PALM: variants seen among roughly 807,000 people sequenced by gnomAD.
PALM encodes paralemmin-1.
Under a neutral mutation model 30.7 loss-of-function variants are expected in PALM, and 18 were observed. The ratio of observed to expected loss-of-function variants is 0.59; its 90% CI spans 0.41 to 0.87. PALM has a LOEUF of 0.87. PALM is among the 40% of genes least tolerant of loss of function. The probability of loss-of-function intolerance (pLI) is 0.00; values close to 1 mark genes in which losing one functional copy is unlikely to be tolerated. For synonymous variants in PALM, 286 were observed against 242.8 expected (o/e 1.18, Z -1.66); for missense variants, 529 against 555.4 (o/e 0.95, Z 0.48).
At position 728,095 on chromosome 19, in the gene PALM, C is replaced by T. The variant is rs112970990; in HGVS notation, c.269+401C>T. On this transcript the variant is annotated intron_variant, in intron 4 of 8. Coordinates refer to ENST00000338448, the MANE Select transcript of PALM (RefSeq NM_002579.3). Reference sequence around the variant, plus strand: ...ATTGGCCTCCCTGGGGGCTTCCTGGCGCCAGCCCAGCTGGCGGGCAAGCGC... The same window carrying T: ...ATTGGCCTCCCTGGGGGCTTCCTGGTGCCAGCCCAGCTGGCGGGCAAGCGC... Among the ~76,000 whole-genome samples the T allele has an allele frequency of 0.021, 3,241 of 152,226 alleles. 229 individuals are homozygous for T. In the East Asian group the frequency reaches 0.27, roughly 13 times the overall value.
rs527488540 is a variant in PALM at position 746,065 on chromosome 19, AT to A, written c.635-212del. ...AGAGTGAGACTCCGTCTCAAAAAAA[AT>A]TTTTTTTCCTCATTGTACGGCATTG... On this transcript the variant is annotated intron_variant, in intron 8 of 8. Transcript: ENST00000338448. This position sits in a 1 kb window ranked among gnomAD's most constrained non-coding sequence, Gnocchi z 7.1. Among the ~76,000 whole-genome samples, 33 of 152,172 alleles carry A rather than the reference AT, an allele frequency of 2.2e-4. 1 individual carries two copies. In the South Asian group the frequency reaches 4.6e-3, roughly 21 times the overall value.
chr19:733,145 C>T (rs1039039210), intron 5 of PALM, among the ~76,000 whole-genome samples: 1 of 152,074 alleles, frequency 6.6e-6, no homozygotes, highest in Non-Finnish European at 1.5e-5. Context: ...AGGCTGGTCT[C>T]GAACTCCTGA....
At chr19:719,460 G>GC in intron 1 of PALM, 1 of 985,206 alleles carries the variant, frequency 1.0e-6, no homozygotes, top group Non-Finnish European at 1.2e-6. Context: ...AGGCCTGTGC[G>GC]CGCCGGGGTG....
At chr19:728,628 T>C (rs4919822) in intron 4 of PALM, among the ~76,000 whole-genome samples, 67,788 of 151,330 alleles carry the variant, frequency 0.45, 15,251 homozygotes, top group Middle Eastern at 0.51. Context: ...ACCAACATCG[T>C]GAAACCCCAT....
intron 4 of PALM, 184 bp downstream of exon 4, chr19:727,878 C>T: frequency 3.3e-6 from 2 of 612,796 alleles, no homozygotes; most frequent in South Asian, 2.1e-5. Flanking sequence ...GGGGCATCCA[C>T]CTGGGTCTGG....
intron 4 of PALM, among the ~76,000 whole-genome samples, chr19:729,800 G>A (rs1220501584): frequency 2.6e-5 from 4 of 152,178 alleles, no homozygotes; most frequent in Admixed American, 2.6e-4. Flanking sequence ...TTAAGCACCA[G>A]CTGTGTCCCT....
intron 1 of PALM, among the ~76,000 whole-genome samples, chr19:725,602 G>A (rs899920475): frequency 2.3e-4 from 35 of 152,154 alleles, no homozygotes; most frequent in African/African-American, 7.7e-4. Context: ...AGCGAGTCTG[G>A]GGTTGAATCC....
chr19:727,717 C>T, intron 4 of PALM, 23 bp downstream of exon 4: 4 of 1,530,432 alleles, frequency 2.6e-6, no homozygotes, highest in Middle Eastern at 2.0e-4. Flanking sequence ...GCGTGGGTGC[C>T]ACCGGGCTGG....
intron 8 of PALM, among the ~76,000 whole-genome samples, chr19:743,650 C>T (rs1394112750): frequency 6.6e-6 from 1 of 152,190 alleles, no homozygotes; most frequent in Non-Finnish European, 1.5e-5. Flanking sequence ...CTGGGACCCC[C>T]CTTGCGTCCC....
intron 5 of PALM, 150 bp downstream of exon 5, chr19:731,395 C>CCGGCTCACA: frequency 1.3e-6 from 1 of 746,590 alleles, no homozygotes; most frequent in Non-Finnish European, 2.1e-6. Context: ...GAGCCACTTC[C>CCGGCTCACA]CAGCTGTGTG....
chr19:720,337 T>TC (rs1364864214), intron 1 of PALM, among the ~76,000 whole-genome samples: 27 of 120,132 alleles, frequency 2.2e-4, no homozygotes, highest in African/African-American at 8.7e-4. Flanking sequence ...GGGGGGCGCA[T>TC]CCTGCGTGTC....
At chr19:732,558 C>T (rs958222765) in intron 5 of PALM, among the ~76,000 whole-genome samples, 5 of 152,072 alleles carry the variant, frequency 3.3e-5, no homozygotes, top group Admixed American at 6.6e-5. Context: ...AACCAGATGT[C>T]GTGGCCGGCA....
Position 734,633 on chromosome 19 carries a change from G to C in PALM, c.442+439G>C, listed in dbSNP as rs901244501. 3 of 184,674 alleles carry C rather than the reference G, an allele frequency of 1.6e-5. No individual in the cohort carries two copies. In the Admixed American group the frequency reaches 1.7e-4, roughly 10 times the overall value. The allele number at this position is 184,674 out of a possible 1,614,324, so 11.4% of individuals were successfully genotyped here. A position where few individuals can be genotyped will look rare whatever the true frequency, so the allele number is the denominator to read the frequency against. On this transcript the variant is annotated intron_variant, in intron 6 of 8. Transcript: ENST00000338448. ...GGCTGAGACAGGTGGATCCCTTGAG[G>C]TCAGGAGTTCAAGACCAGCCTGGCC...
At chr19:738,981 G>C (rs1351364761) in intron 7 of PALM, among the ~76,000 whole-genome samples, 2 of 152,182 alleles carry the variant, frequency 1.3e-5, no homozygotes, top group African/African-American at 4.8e-5. Flanking sequence ...GCCAGTCCTG[G>C]CAGCCCTGTT....
In PALM at chr19:721,179, G is replaced by A. The variant is rs557327208; in HGVS notation, c.6-4959G>A. ...GGAGTAGACCAACGGGGGAAGTGAA[G>A]GGGCCGACCTGAGGGTTCCTCTAAG... On this transcript the variant is annotated intron_variant, in intron 1 of 8. Coordinates refer to ENST00000338448, the MANE Select transcript of PALM (RefSeq NM_002579.3). Among the ~76,000 whole-genome samples the A allele has an allele frequency of 5.3e-5, 8 of 152,310 alleles. No homozygotes were observed. In the East Asian group the frequency reaches 1.4e-3, roughly 26 times the overall value.
intron 4 of PALM, among the ~76,000 whole-genome samples, chr19:729,938 G>C (rs1320747412): frequency 6.6e-6 from 1 of 152,178 alleles, no homozygotes; most frequent in Admixed American, 6.5e-5. Flanking sequence ...GGGCACACTG[G>C]TGTTCTTTTC....
intron 3 of PALM, 131 bp downstream of exon 3, chr19:727,219 TGACCCCGACCCTGACCCC>T (rs1421567165): frequency 3.9e-5 from 25 of 642,976 alleles, no homozygotes; most frequent in African/African-American, 2.5e-4. Context: ...GCCCTGACCC[TGACCCCGACCCTGACCCC>T]GACCCCGACC....
At position 746,085 on chromosome 19, in the gene PALM, G is replaced by A. The variant is rs58790351; in HGVS notation, c.635-200G>A. Among the ~76,000 whole-genome samples the A allele has an allele frequency of 0.034, 5,192 of 152,238 alleles. 316 individuals carry two copies. The highest frequency in any genetic ancestry group is 0.12 in the African/African-American group (4,865 of 41,552). Reference sequence around the variant, plus strand: ...AAAAAATTTTTTTTCCTCATTGTACGGCATTGGCTGCATCCACAGATGCCA... The same window carrying A: ...AAAAAATTTTTTTTCCTCATTGTACAGCATTGGCTGCATCCACAGATGCCA... On this transcript the variant is annotated intron_variant, in intron 8 of 8. Coordinates refer to ENST00000338448, the MANE Select transcript of PALM (RefSeq NM_002579.3). The surrounding 1 kb of genome is among the most constrained non-coding windows in gnomAD (Gnocchi z 7.1).
intron 2 of PALM, among the ~76,000 whole-genome samples, chr19:726,445 C>T (rs771831035): frequency 6.6e-6 from 1 of 152,198 alleles, no homozygotes; most frequent in Non-Finnish European, 1.5e-5. Context: ...CCCTGGAACC[C>T]TGCCCTCGTC....
Sources: allele counts gnomAD v4.1 joint callset (sites outside exome capture counted in the v4.1 genomes callset), GRCh38; gene constraint gnomAD v4.1.1; non-coding constraint Gnocchi (gnomAD v3.1); transcripts MANE v1.5; gene names NCBI Gene and HGNC (gene_info 2026-07-23, HGNC 2026-07-21).